CREBBP: variants seen among roughly 807,000 people sequenced by gnomAD.
CREBBP encodes the protein CREB binding lysine acetyltransferase.
Under a neutral mutation model 265.0 loss-of-function variants are expected in CREBBP, and 19 were observed. The observed-to-expected ratio is 0.07, with a 90% CI of 0.05 to 0.11. The LOEUF (loss-of-function observed/expected upper bound fraction) is 0.11, where lower values mean the gene tolerates loss of function less well. Among genes scored for constraint, CREBBP ranks in the 10% least tolerant of loss-of-function variants. CREBBP has a pLI of 1.00. For missense variants in CREBBP, 2,525 were observed against 3,219.0 expected (o/e 0.78, Z 5.22); for synonymous variants, 1,457 against 1,223.7 (o/e 1.19, Z -3.98).
At chr16:3,846,841 C>T (rs1191390965) in intron 2 of CREBBP, among the ~76,000 whole-genome samples, 1 of 152,118 alleles carries the variant, frequency 6.6e-6, no homozygotes, top group Non-Finnish European at 1.5e-5. Flanking sequence ...TAATAGTTGC[C>T]TTTGGTGAGA....
chr16:3,834,421 A>G (rs1021969141), intron 2 of CREBBP, among the ~76,000 whole-genome samples: 1 of 152,222 alleles, frequency 6.6e-6, no homozygotes, highest in Non-Finnish European at 1.5e-5. Context: ...AATACATATT[A>G]TTAAATGAAT....
At chr16:3,789,781 T>A (rs1327376843) in intron 5 of CREBBP, among the ~76,000 whole-genome samples, 1 of 152,188 alleles carries the variant, frequency 6.6e-6, no homozygotes, top group African/African-American at 2.4e-5. Context: ...ATCATCCTGG[T>A]AATATCTTAC....
At position 3,762,818 on chromosome 16, in the gene CREBBP, A is replaced by T. The variant is rs367664680; in HGVS notation, c.3251-3846T>A. 1.2e-3 allele frequency among the ~76,000 whole-genome samples: 177 copies of T among 150,654 alleles called. 1 individual carries two copies. Among genetic ancestry groups the T allele is most frequent in the African/African-American group, 4.1e-3 (169 of 40,820 alleles). ...GAGACGGAGTCTTGCTCTGTCGCCC[A>T]GGCTGGAGTGCAGTGGCGCGATCTC... On this transcript the variant is annotated intron_variant, in intron 16 of 30. Transcript: ENST00000262367.
chr16:3,741,829 A>G (rs2052218424), intron 23 of CREBBP: 1 of 152,238 alleles, frequency 6.6e-6, no homozygotes. Flanking sequence ...TAATTCCAGC[A>G]TTTTGGGAGG....
intron 16 of CREBBP, among the ~76,000 whole-genome samples, chr16:3,762,584 C>T (rs763669887): frequency 6.6e-6 from 1 of 152,050 alleles, no homozygotes; most frequent in Non-Finnish European, 1.5e-5. Context: ...CGCCGCTCCC[C>T]TCCTCTGGCC....
chr16:3,863,847 C>G (rs2055125225), intron 1 of CREBBP, among the ~76,000 whole-genome samples: 1 of 152,172 alleles, frequency 6.6e-6, no homozygotes, highest in South Asian at 2.1e-4. Context: ...GTCATAGCAG[C>G]CAGCTGCCAC....
At chr16:3,791,441 CAA>C (rs1007548944) in intron 5 of CREBBP, among the ~76,000 whole-genome samples, 19 of 152,138 alleles carry the variant, frequency 1.2e-4, no homozygotes, top group Non-Finnish European at 1.8e-4. Flanking sequence ...TTTAGTTATA[CAA>C]AGAGTTCTGG....
intron 1 of CREBBP, among the ~76,000 whole-genome samples, chr16:3,860,646 A>AT (rs1258518113): frequency 6.6e-6 from 1 of 152,228 alleles, no homozygotes; most frequent in Non-Finnish European, 1.5e-5. Flanking sequence ...AATACATACA[A>AT]TTTTTATTTG....
chr16:3,743,497 T>A (rs1049044626), intron 23 of CREBBP: 3 of 152,228 alleles, frequency 2.0e-5, no homozygotes, highest in African/African-American at 4.8e-5. Flanking sequence ...AGCATTTCCA[T>A]CTCTCTTCTA....
At chr16:3,809,950 CAA>C (rs1458566007) in intron 3 of CREBBP, among the ~76,000 whole-genome samples, 1 of 151,880 alleles carries the variant, frequency 6.6e-6, no homozygotes, top group Non-Finnish European at 1.5e-5. Context: ...TGGGGGTGAA[CAA>C]GAGAGGCTGG....
intron 2 of CREBBP, among the ~76,000 whole-genome samples, chr16:3,849,610 A>G (rs1214480482): frequency 7.3e-6 from 1 of 137,896 alleles, no homozygotes; most frequent in East Asian, 2.1e-4. Flanking sequence ...GAGTTGAGCT[A>G]TCCACCCACC....
chr16:3,850,212 G>T, intron 2 of CREBBP, 85 bp downstream of exon 2: 1 of 1,366,762 alleles, frequency 7.3e-7, no homozygotes, highest in Non-Finnish European at 1.0e-6. Context: ...AACAGGAGTG[G>T]GCCACGTGGT....
intron 3 of CREBBP, among the ~76,000 whole-genome samples, chr16:3,796,629 G>A (rs567956699): frequency 2.4e-4 from 37 of 151,798 alleles, no homozygotes; most frequent in African/African-American, 8.2e-4. Context: ...TAAAGAGACC[G>A]GCACACCTCA....
At chr16:3,733,605 G>A (rs2051975380) in intron 28 of CREBBP, among the ~76,000 whole-genome samples, 1 of 152,140 alleles carries the variant, frequency 6.6e-6, no homozygotes, top group Non-Finnish European at 1.5e-5. Flanking sequence ...CAATATACTG[G>A]AACTCTGTGC....
chr16:3,842,827 G>A (rs555066888), intron 2 of CREBBP, among the ~76,000 whole-genome samples: 9 of 151,948 alleles, frequency 5.9e-5, no homozygotes, highest in East Asian at 5.8e-4. Context: ...TTAGCCGGGC[G>A]TGGTGGCGGG....
intron 1 of CREBBP, among the ~76,000 whole-genome samples, chr16:3,871,029 G>C (rs930632688): frequency 3.4e-5 from 5 of 147,308 alleles, no homozygotes; most frequent in Non-Finnish European, 5.9e-5. Context: ...AAGGGGAAGG[G>C]GAAGGAAGGA....
At chr16:3,851,620 T>C (rs900080258) in intron 1 of CREBBP, among the ~76,000 whole-genome samples, 1 of 151,982 alleles carries the variant, frequency 6.6e-6, no homozygotes, top group Admixed American at 6.6e-5. Context: ...TTTGGGAGGC[T>C]GAGGCAGGCG....
intron 2 of CREBBP, among the ~76,000 whole-genome samples, chr16:3,842,354 G>A (rs952174591): frequency 1.4e-4 from 21 of 152,016 alleles, no homozygotes; most frequent in African/African-American, 4.6e-4. Flanking sequence ...CTCAACACCC[G>A]TAGCCAGGAA....
rs2055493480 is a variant in CREBBP at position 3,879,968 on chromosome 16, G to A, written c.-52C>T. ...GGGCACGGGCGGCCGGGCCGGCGAG[G>A]GCCCGGACGGGGGTCGGGGGCCCTG... is the stretch of plus-strand genomic sequence containing the variant. On this transcript the variant is annotated 5_prime_UTR_variant, in exon 1 of 31. Transcript: ENST00000262367. 6.5e-7 allele frequency: 1 copy of A among 1,549,362 alleles called. No individual in the cohort carries two copies. The highest frequency in any genetic ancestry group is 8.8e-7 in the Non-Finnish European group (1 of 1,139,264).
Sources: gnomAD v4.1 joint callset for allele counts (sites outside exome capture counted in the v4.1 genomes callset) on GRCh38, gnomAD v4.1.1 for gene constraint, MANE v1.5 for transcripts, NCBI Gene and HGNC (gene_info 2026-07-23, HGNC 2026-07-21) for gene names.